The following NRXN2 variants were observed in gnomAD, a reference collection of about 807,000 sequenced individuals.
The protein encoded by NRXN2 is neurexin-2-beta.
A neutral mutation model predicts 128.8 loss-of-function variants in NRXN2; 29 were observed. That is an observed-to-expected ratio of 0.23 (90% CI 0.17 to 0.31). The LOEUF is 0.31. Ranked by LOEUF, NRXN2 falls within the 10% of genes least tolerant of loss-of-function variation. The pLI, the probability that NRXN2 is intolerant of heterozygous loss-of-function variation, is 1.00. For synonymous variants in NRXN2, 1,098 were observed against 1,075.2 expected (o/e 1.02, Z -0.41); for missense variants, 1,881 against 2,452.6 (o/e 0.77, Z 4.92).
At chr11:64,656,384 C>CGGGAATTTCACACTAAGT (rs1555057084) in intron 11 of NRXN2, among the ~76,000 whole-genome samples, 1 of 150,482 alleles carries the variant, frequency 6.6e-6, no homozygotes, top group African/African-American at 2.5e-5. Context: ...GCAGAACTAA[C>CGGGAATTTCACACTAAGT]GGGAATTTCA....
chr11:64,655,516 G>A (rs1036642755), intron 11 of NRXN2, among the ~76,000 whole-genome samples: 1 of 152,054 alleles, frequency 6.6e-6, no homozygotes, highest in African/African-American at 2.4e-5. Context: ...CTCTCTCGGG[G>A]CCAGCAGAGT....
chr11:64,711,760 T>C (rs74749555), intron 2 of NRXN2, among the ~76,000 whole-genome samples: 55 of 152,314 alleles, frequency 3.6e-4, no homozygotes, highest in East Asian at 1.3e-3. Flanking sequence ...AGAGAGACTA[T>C]TGGCCATCTC....
At chr11:64,658,215 A>T (rs1263906348) in intron 11 of NRXN2, among the ~76,000 whole-genome samples, 6 of 152,210 alleles carry the variant, frequency 3.9e-5, no homozygotes, top group Admixed American at 3.9e-4. Context: ...CCCAGCAAGC[A>T]CAGAGACATG....
Position 64,630,381 on chromosome 11 carries a change from C to T in NRXN2, c.3757+21G>A, listed in dbSNP as rs746777268. 1.2e-6 allele frequency: 2 copies of T among 1,602,918 alleles called. No individual in the cohort carries two copies. The highest frequency in any genetic ancestry group is 1.7e-6 in the Non-Finnish European group (2 of 1,176,306). On this transcript the variant is annotated intron_variant, in intron 19 of 22. Transcript: ENST00000265459. The surrounding 1 kb of genome is among the most constrained non-coding windows in gnomAD (Gnocchi z 4.6). ...CACCCGCCCCGCCACCGCGCCTCCT[C>T]CGCGGGCCCGCGCCGCCTACCTGCC... is the stretch of plus-strand genomic sequence containing the variant.
In NRXN2 at chr11:64,688,665, C is replaced by A. The variant is rs1051444181; in HGVS notation, c.850+1740G>T. 8 of 985,254 alleles carry A rather than the reference C, an allele frequency of 8.1e-6. No individual in the cohort carries two copies. In the African/African-American group the frequency reaches 1.0e-4, roughly 13 times the overall value. The allele number at this position is 985,254 out of a possible 1,614,324, so 61.0% of individuals were successfully genotyped here. A position where few individuals can be genotyped will look rare whatever the true frequency, so the allele number is the denominator to read the frequency against. The stretch of plus-strand genomic sequence containing the variant: ...ATTACCGCCCCTAATTGCTCCGGAC[C>A]GAGAAAGGAAGATAATAGCTGATGC... On this transcript the variant is annotated intron_variant, in intron 5 of 22. Transcript: ENST00000265459.
chr11:64,659,080 T>C (rs1230337729), intron 11 of NRXN2, among the ~76,000 whole-genome samples: 2 of 152,362 alleles, frequency 1.3e-5, no homozygotes, highest in Non-Finnish European at 2.9e-5. Context: ...GATTCTAACC[T>C]GCTCAGAAGA....
At chr11:64,657,241 T>C (rs1168511542) in intron 11 of NRXN2, among the ~76,000 whole-genome samples, 7 of 152,202 alleles carry the variant, frequency 4.6e-5, no homozygotes, top group African/African-American at 1.4e-4. Context: ...GGAATGGGGC[T>C]CTTGAAGTGA....
intron 2 of NRXN2, chr11:64,712,565 A>C: frequency 1.4e-5 from 4 of 280,064 alleles, no homozygotes; most frequent in South Asian, 2.9e-5. Context: ...CAGGGGCCCC[A>C]TGGTCCCCGC....
In NRXN2 at chr11:64,648,127, G is replaced by A. The variant is rs2046965930; in HGVS notation, c.3403+92C>T. The A allele has an allele frequency of 2.6e-6, 4 of 1,557,972 alleles. No individual in the cohort carries two copies. Among genetic ancestry groups the A allele is most frequent in the Non-Finnish European group, 1.8e-6 (2 of 1,133,320 alleles). On this transcript the variant is annotated intron_variant, in intron 17 of 22. Coordinates refer to ENST00000265459, the MANE Select transcript of NRXN2 (RefSeq NM_015080.4). This position sits in a 1 kb window ranked among gnomAD's most constrained non-coding sequence, Gnocchi z 4.1. ...GGAAGAAGCAGCACAGCTCCTGAAT[G>A]CTCAGAGGCCCTGTTTCCTCCCTGG...
intron 1 of NRXN2, among the ~76,000 whole-genome samples, chr11:64,719,016 G>A (rs1054303583): frequency 7.9e-5 from 12 of 152,076 alleles, no homozygotes; most frequent in African/African-American, 1.4e-4. Context: ...CTTTCTTTAT[G>A]TATAAAATAG....
At chr11:64,705,325 C>CCT (rs2056116882) in intron 2 of NRXN2, among the ~76,000 whole-genome samples, 1 of 152,164 alleles carries the variant, frequency 6.6e-6, no homozygotes, top group African/African-American at 2.4e-5. Context: ...CATCTCTGAG[C>CCT]CTCTCTTTGA....
chr11:64,642,091 C>G (rs939768749), intron 17 of NRXN2, among the ~76,000 whole-genome samples: 1 of 151,128 alleles, frequency 6.6e-6, no homozygotes. Flanking sequence ...AGATGACAGA[C>G]CAGCGATGGA....
At chr11:64,686,016 C>A in intron 5 of NRXN2, 69 bp from the exon 6 acceptor site, 9 of 1,564,566 alleles carry the variant, frequency 5.8e-6, no homozygotes, top group Non-Finnish European at 7.9e-6. Context: ...CTTCCCTCTC[C>A]CCTCCAGCAA....
intron 1 of NRXN2, among the ~76,000 whole-genome samples, chr11:64,717,902 G>A (rs1232541291): frequency 1.3e-5 from 2 of 152,160 alleles, no homozygotes; most frequent in Non-Finnish European, 2.9e-5. Flanking sequence ...ACCCTCCTCT[G>A]ATCTGGCCTT....
At chr11:64,688,423 G>C in intron 5 of NRXN2, 1 of 979,024 alleles carries the variant, frequency 1.0e-6, no homozygotes, top group South Asian at 4.7e-5. Flanking sequence ...AGATGGTGAG[G>C]AGAGAGAGAG....
intron 22 of NRXN2, among the ~76,000 whole-genome samples, chr11:64,614,435 T>C (rs1305675328): frequency 1.3e-5 from 2 of 152,200 alleles, no homozygotes; most frequent in East Asian, 1.9e-4. Context: ...TGGGCTATCA[T>C]GCTACAGCAC....
intron 17 of NRXN2, among the ~76,000 whole-genome samples, chr11:64,645,325 G>A (rs1175346865): frequency 6.6e-6 from 1 of 152,216 alleles, no homozygotes; most frequent in South Asian, 2.1e-4. Context: ...GAGATGGGGG[G>A]GCCAAGGCTG....
At chr11:64,690,307 G>A in intron 5 of NRXN2, 98 bp downstream of exon 5, 1 of 1,085,252 alleles carries the variant, frequency 9.2e-7, no homozygotes, top group East Asian at 2.5e-5. Flanking sequence ...AGAGGACAAG[G>A]GGATGTGCCT....
rs2039722830 is a variant in NRXN2 at position 64,606,950 on chromosome 11, C to T, written c.*246G>A. The stretch of plus-strand genomic sequence containing the variant: ...CAACCCAGGGCTGTGAGCACGTGCC[C>T]TGCCTGGCAGGCGCAGAGCTGAGAG... On this transcript the variant is annotated 3_prime_UTR_variant, in exon 23 of 23. Coordinates refer to ENST00000265459, the MANE Select transcript of NRXN2 (RefSeq NM_015080.4). 7.2e-6 allele frequency: 4 copies of T among 557,420 alleles called. No individual in the cohort carries two copies. Among genetic ancestry groups the T allele is most frequent in the Admixed American group, 6.2e-5 (2 of 32,486 alleles). The allele number at this position is 557,420 out of a possible 1,614,324, so 34.5% of individuals were successfully genotyped here. A position where few individuals can be genotyped will look rare whatever the true frequency, so the allele number is the denominator to read the frequency against.
Sources: gnomAD v4.1 joint callset for allele counts (sites outside exome capture counted in the v4.1 genomes callset) on GRCh38, gnomAD v4.1.1 for gene constraint, Gnocchi (gnomAD v3.1) non-coding constraint, MANE v1.5 for transcripts, NCBI Gene and HGNC (gene_info 2026-07-23, HGNC 2026-07-21) for gene names.